The following TAF1 variants were observed in gnomAD, a reference collection of about 807,000 sequenced individuals.
TAF1 encodes TATA-box binding protein associated factor 1, also known as transcription initiation factor TFIID subunit 1.
A neutral mutation model predicts 138.5 loss-of-function variants in TAF1; 2 were observed. That is an observed-to-expected ratio of 0.01 (90% confidence interval 0.01 to 0.05). The LOEUF is 0.05. Ranked by LOEUF, TAF1 falls within the 10% of genes least tolerant of loss-of-function variation. The pLI is 1.00. For synonymous variants in TAF1, 437 were observed against 503.2 expected (o/e 0.87, Z 1.76); for missense variants, 709 against 1,478.0 (o/e 0.48, Z 8.53).
rs1459670522 is a variant in TAF1 at position 71,459,791 on chromosome X, A to G, written c.5221+83A>G. The stretch of plus-strand genomic sequence containing the variant: ...GGACTGGATAGGCGCTCTTGGCCAC[A>G]TATGCTTTTATTGGAAGCTGCCTCT... On this transcript the variant is annotated intron_variant, in intron 36 of 37. Transcript: ENST00000423759. 6.9e-6 allele frequency: 8 copies of G among 1,155,666 alleles called. No homozygotes were observed. In the East Asian group the frequency reaches 2.1e-4, roughly 30 times the overall value.
rs1006497247 is a variant in TAF1, at chrX:71,378,843, A to G, written c.1172A>G (p.Glu391Gly). 8.3e-7 allele frequency: 1 copy of G among 1,211,600 alleles called. No individual in the cohort carries two copies. Among genetic ancestry groups the G allele is most frequent in the Non-Finnish European group, 1.1e-6 (1 of 895,494 alleles). Residue 391 changes from glutamate (E) to glycine (G), a missense_variant, in exon 8 of 38, where the codon GAA becomes GGA. Transcript: ENST00000423759. ...ACACAGGAATTTAGGAAACTTGAGG[A>G]AAACAATGGCACTGATCTTCTGGCT... Reference protein sequence around the residue: ...RMIEEFRKLEENNGTDLLADE... With the variant: ...RMIEEFRKLEGNNGTDLLADE...
chrX:71,426,064 A>G (rs1007937501), intron 32 of TAF1, among the ~76,000 whole-genome samples: 1 of 109,364 alleles, frequency 9.1e-6, no homozygotes, highest in Non-Finnish European at 1.9e-5. Context: ...GTGCAAGACC[A>G]GCCTGGGCAA....
intron 15 of TAF1, 108 bp from the exon 16 acceptor site, chrX:71,388,129 C>T: frequency 9.4e-7 from 1 of 1,062,008 alleles, no homozygotes; most frequent in Non-Finnish European, 1.2e-6. Flanking sequence ...GGTTTGGGAG[C>T]ACATCGGGAA....
intron 32 of TAF1, among the ~76,000 whole-genome samples, chrX:71,449,809 G>A (rs754206825): frequency 1.2e-4 from 13 of 112,026 alleles, no homozygotes; most frequent in African/African-American, 4.2e-4. Flanking sequence ...GTCTTGCTGT[G>A]TCACTGAGGC....
chrX:71,459,409 C>T, intron 35 of TAF1, 143 bp from the exon 36 acceptor site: 2 of 1,037,422 alleles, frequency 1.9e-6, no homozygotes, highest in Non-Finnish European at 2.5e-6. Flanking sequence ...ACAGTCTATC[C>T]ACCAAAAATA....
chrX:71,389,708 A>G (rs746169954), intron 18 of TAF1, 43 bp downstream of exon 18: 15 of 1,011,281 alleles, frequency 1.5e-5, no homozygotes, highest in African/African-American at 3.8e-5. Flanking sequence ...AATACATCTC[A>G]TTTATCCTTT....
intron 13 of TAF1, among the ~76,000 whole-genome samples, chrX:71,475,901 A>G (rs1238323425): frequency 9.0e-6 from 1 of 110,617 alleles, no homozygotes; most frequent in Non-Finnish European, 1.9e-5. Context: ...TGAGTTCTCT[A>G]TTAGTTCACT....
At chrX:71,366,539 G>A in intron 1 of TAF1, 45 bp downstream of exon 1, 1 of 1,071,355 alleles carries the variant, frequency 9.3e-7, no homozygotes, top group Non-Finnish European at 1.2e-6. Flanking sequence ...GTGGGGCTAA[G>A]CAGAGGAAGG....
At chrX:71,524,746 G>C (rs755878950) in intron 13 of TAF1, among the ~76,000 whole-genome samples, 5 of 109,422 alleles carry the variant, frequency 4.6e-5, no homozygotes, top group South Asian at 8.0e-4. Context: ...TTCAAGACCA[G>C]CCTGGCCAAC....
chrX:71,411,732 T>G (rs2148517501), intron 28 of TAF1, among the ~76,000 whole-genome samples: 1 of 112,581 alleles, frequency 8.9e-6, no homozygotes, highest in South Asian at 3.6e-4. Flanking sequence ...CCATGCAGTT[T>G]AACCATTTAA....
intron 32 of TAF1, among the ~76,000 whole-genome samples, chrX:71,440,497 T>C (rs892679881): frequency 1.2e-4 from 13 of 110,452 alleles, no homozygotes; most frequent in Admixed American, 1.2e-3. Context: ...CACGGCACTA[T>C]TTCATTTTTT....
downstream of TAF1, among the ~76,000 whole-genome samples, chrX:71,469,376 G>T (rs1242727492): frequency 1.1e-4 from 12 of 111,116 alleles, no homozygotes; most frequent in African/African-American, 3.9e-4. Context: ...CACTTTTTTT[G>T]TTAAGTGTAG....
chrX:71,460,152 G>A (rs2038486751), intron 36 of TAF1, among the ~76,000 whole-genome samples: 1 of 111,766 alleles, frequency 8.9e-6, no homozygotes, highest in Non-Finnish European at 1.9e-5. Context: ...GAGGCAGGAG[G>A]ATCGCTTGAG....
At chrX:71,459,863 C>T (rs1292312470) in intron 36 of TAF1, among the ~76,000 whole-genome samples, 155 bp downstream of exon 36, 1 of 111,413 alleles carries the variant, frequency 9.0e-6, no homozygotes. Flanking sequence ...AGCACTCAGG[C>T]GTAGGATGAT....
intron 23 of TAF1, 126 bp downstream of exon 23, chrX:71,397,592 C>A: frequency 1.3e-6 from 1 of 788,230 alleles, no homozygotes; most frequent in Non-Finnish European, 1.8e-6. Flanking sequence ...AAGTGATTCT[C>A]ATGCCTCAAC....
chrX:71,399,719 G>A (rs775748042), intron 24 of TAF1, among the ~76,000 whole-genome samples: 1 of 108,779 alleles, frequency 9.2e-6, no homozygotes, highest in Admixed American at 9.9e-5. Context: ...TACCAGGCAT[G>A]TGCTACCATG....
chrX:71,417,767 G>A (rs1158275226), intron 28 of TAF1, among the ~76,000 whole-genome samples: 1 of 111,293 alleles, frequency 9.0e-6, no homozygotes. Context: ...TGTGTTTATT[G>A]GGATGTAACC....
chrX:71,447,559 G>A (rs1177082619), intron 32 of TAF1, among the ~76,000 whole-genome samples: 1 of 110,325 alleles, frequency 9.1e-6, no homozygotes, highest in Admixed American at 9.8e-5. Flanking sequence ...AGATGGGTGT[G>A]GTGGTGCACA....
intron 15 of TAF1, among the ~76,000 whole-genome samples, chrX:71,387,715 C>T (rs950010166): frequency 2.7e-5 from 3 of 111,656 alleles, no homozygotes; most frequent in African/African-American, 9.8e-5. Flanking sequence ...GGGCGGATCA[C>T]CTGAGGTTGG....
Sources: allele counts gnomAD v4.1 joint callset (sites outside exome capture counted in the v4.1 genomes callset), GRCh38; gene constraint gnomAD v4.1.1; transcripts MANE v1.5; gene names NCBI Gene and HGNC (gene_info 2026-07-23, HGNC 2026-07-21).